Variants in R3HDM2 observed in about 807,000 individuals in gnomAD.
R3HDM2 encodes R3H domain-containing protein 2.
R3HDM2 carries 38 observed loss-of-function variants against 124.5 expected under a neutral mutation model. That is an observed-to-expected ratio of 0.31 (90% CI 0.24 to 0.40). The LOEUF is 0.40. Ranked by LOEUF, R3HDM2 falls within the 10% of genes least tolerant of loss-of-function variation. The probability of loss-of-function intolerance (pLI) is 1.00; values close to 1 mark genes in which losing one functional copy is unlikely to be tolerated. For synonymous variants in R3HDM2, 391 were observed against 448.0 expected (o/e 0.87, Z 1.61); for missense variants, 869 against 1,236.9 (o/e 0.70, Z 4.46).
intron 2 of R3HDM2, among the ~76,000 whole-genome samples, chr12:57,330,689 C>CCTTTT (rs1566189883): frequency 8.5e-6 from 1 of 117,252 alleles, no homozygotes; most frequent in Non-Finnish European, 1.7e-5. Context: ...ATCTTTAGGG[C>CCTTTT]TTTTCTTTTT....
chr12:57,276,540 C>T (rs559091400), intron 14 of R3HDM2, among the ~76,000 whole-genome samples: 48 of 151,498 alleles, frequency 3.2e-4, no homozygotes, highest in African/African-American at 4.6e-4. Flanking sequence ...AACCAAACAT[C>T]GCATGTTCTC....
At chr12:57,340,719 T>A (rs1465522227) in intron 2 of R3HDM2, among the ~76,000 whole-genome samples, 1 of 152,174 alleles carries the variant, frequency 6.6e-6, no homozygotes, top group African/African-American at 2.4e-5. Context: ...AACCAGCATA[T>A]TTTTAAAGGT....
At position 57,358,197 on chromosome 12, in the gene R3HDM2, C is replaced by T. The variant is rs114560970; in HGVS notation, c.-36+37552G>A. Among the ~76,000 whole-genome samples, 536 of 151,706 alleles carry T rather than the reference C, an allele frequency of 3.5e-3. 3 individuals carry two copies. The highest frequency in any genetic ancestry group is 0.011 in the African/African-American group (460 of 41,368). On this transcript the variant is annotated intron_variant, in intron 2 of 23. Transcript: ENST00000402412. ...ATATGGGGTTTTGCCATGCTGGCCA[C>T]GCTGGTCTTTAACTCCCAATCTCAA...
intron 2 of R3HDM2, among the ~76,000 whole-genome samples, chr12:57,330,684 T>C (rs2058025331): frequency 7.0e-6 from 1 of 142,948 alleles, no homozygotes; most frequent in African/African-American, 2.6e-5. Flanking sequence ...GTGGCATCTT[T>C]AGGGCTTTTC....
chr12:57,335,349 A>G (rs1473584757), intron 2 of R3HDM2, among the ~76,000 whole-genome samples: 8 of 151,878 alleles, frequency 5.3e-5, no homozygotes, highest in Non-Finnish European at 1.2e-4. Context: ...CTGGGACTAC[A>G]GACGCCTGCC....
chr12:57,372,808 C>T (rs909689671), intron 2 of R3HDM2, among the ~76,000 whole-genome samples: 3 of 152,114 alleles, frequency 2.0e-5, no homozygotes, highest in African/African-American at 7.2e-5. Flanking sequence ...CTAATAGATC[C>T]TACAAGTCAA....
chr12:57,258,840 G>GA (rs2039890713), intron 20 of R3HDM2, 50 bp downstream of exon 20: 1 of 1,420,510 alleles, frequency 7.0e-7, no homozygotes, highest in African/African-American at 1.5e-5. Flanking sequence ...TGCGCCCCGG[G>GA]AAGAATACGG....
chr12:57,256,348 CA>C, intron 22 of R3HDM2, 65 bp downstream of exon 22: 1 of 1,347,676 alleles, frequency 7.4e-7, no homozygotes, highest in South Asian at 1.4e-5. Context: ...GGTTGAAGCT[CA>C]GACACAGGCA....
At position 57,294,097 on chromosome 12, in the gene R3HDM2, T is replaced by C. The variant is rs570433743; in HGVS notation, c.810+1302A>G. On this transcript the variant is annotated intron_variant, in intron 10 of 23. Transcript: ENST00000402412. ...GTGGGGATAATAACCCCCATCCTCA[T>C]TGGGTTGTGAAGAGGATTAAAGGAA... Among the ~76,000 whole-genome samples, 13 of 152,290 alleles carry C rather than the reference T, an allele frequency of 8.5e-5. No homozygotes were observed. In the East Asian group the frequency reaches 9.7e-4, roughly 11 times the overall value.
chr12:57,272,582 A>G, intron 14 of R3HDM2: 2 of 831,222 alleles, frequency 2.4e-6, no homozygotes, highest in Non-Finnish European at 3.1e-6. Flanking sequence ...GGCATGTGGA[A>G]AAGGGAAGAG....
At chr12:57,385,245 CTTTTT>C (rs1162752283) in intron 2 of R3HDM2, among the ~76,000 whole-genome samples, 1 of 139,240 alleles carries the variant, frequency 7.2e-6, no homozygotes, top group African/African-American at 2.6e-5. Context: ...AACTTAAAGA[CTTTTT>C]TTTTTTTTTT....
chr12:57,339,627 G>A (rs944741527), intron 2 of R3HDM2, among the ~76,000 whole-genome samples: 2 of 151,852 alleles, frequency 1.3e-5, no homozygotes, highest in Non-Finnish European at 2.9e-5. Context: ...GAACCCGGGA[G>A]GTGGAAGTTG....
chr12:57,418,131 C>T, intron 1 of R3HDM2: 1 of 983,110 alleles, frequency 1.0e-6, no homozygotes, highest in Non-Finnish European at 1.2e-6. Flanking sequence ...AATCCCAAAC[C>T]TACCCTTTTC....
intron 12 of R3HDM2, among the ~76,000 whole-genome samples, chr12:57,288,081 G>A (rs1029810577): frequency 4.7e-5 from 7 of 149,210 alleles, no homozygotes; most frequent in East Asian, 2.0e-4. Context: ...GTGCAGTGGC[G>A]TGATCTCAGC....
chr12:57,391,474 A>G (rs1324665517), intron 2 of R3HDM2, among the ~76,000 whole-genome samples: 1 of 152,228 alleles, frequency 6.6e-6, no homozygotes, highest in African/African-American at 2.4e-5. Context: ...ATAAAAGGGC[A>G]ACAAGAAAGA....
At chr12:57,262,712 G>A (rs555370810) in intron 19 of R3HDM2, among the ~76,000 whole-genome samples, 3 of 152,268 alleles carry the variant, frequency 2.0e-5, no homozygotes, top group African/African-American at 7.2e-5. Context: ...TTTCAGTATA[G>A]GGTAAACGAG....
intron 2 of R3HDM2, among the ~76,000 whole-genome samples, chr12:57,359,991 G>GTAAA (rs1217708029): frequency 2.7e-4 from 34 of 125,240 alleles, no homozygotes; most frequent in African/African-American, 7.2e-4. Context: ...ATTGTTTTCA[G>GTAAA]TAAATAAATA....
chr12:57,423,738 C>T (rs1311085500), intron 1 of R3HDM2, among the ~76,000 whole-genome samples: 3 of 140,112 alleles, frequency 2.1e-5, no homozygotes, highest in African/African-American at 2.7e-5. Context: ...ACCCAGGAGA[C>T]GGAGGTTGCA....
intron 2 of R3HDM2, among the ~76,000 whole-genome samples, chr12:57,351,708 C>G (rs2060695795): frequency 6.6e-6 from 1 of 152,030 alleles, no homozygotes; most frequent in Non-Finnish European, 1.5e-5. Flanking sequence ...ATCTGTCTTG[C>G]AAGATATTAC....
Sources: allele counts gnomAD v4.1 joint callset (sites outside exome capture counted in the v4.1 genomes callset), GRCh38; gene constraint gnomAD v4.1.1; transcripts MANE v1.5; gene names NCBI Gene and HGNC (gene_info 2026-07-23, HGNC 2026-07-21).